SLC7A10: variants seen among roughly 807,000 people sequenced by gnomAD.
SLC7A10 encodes solute carrier family 7 member 10.
SLC7A10 carries 30 observed loss-of-function variants against 52.7 expected under a neutral mutation model. The observed-to-expected ratio is 0.57, with a 90% CI of 0.43 to 0.77. The LOEUF is 0.77. Ranked by LOEUF, SLC7A10 falls within the 30% of genes least tolerant of loss-of-function variation. The probability of loss-of-function intolerance (pLI) is 0.00; values close to 1 mark genes in which losing one functional copy is unlikely to be tolerated. For synonymous variants in SLC7A10, 318 were observed against 314.9 expected (o/e 1.01, Z -0.10); for missense variants, 581 against 698.5 (o/e 0.83, Z 1.90).
intron 1 of SLC7A10, 33 bp downstream of exon 1, chr19:33,225,520 C>T (rs760343862): frequency 3.1e-6 from 5 of 1,593,124 alleles, no homozygotes; most frequent in Non-Finnish European, 4.2e-6. Context: ...ATTCGGCCTC[C>T]GCCCGGCGCC....
Position 33,210,848 on chromosome 19 carries a change from A to C in SLC7A10, c.1067T>G (p.Met356Arg). ...GGGGGTGCAGTGTCTGACGTGGATC[A>C]TGGCCAGCAGGCTGGGCAGGTGCCC... is the stretch of plus-strand genomic sequence containing the variant. Reference protein sequence around the residue: ...REGHLPSLLAMIHVRHCTPIP... With the variant: ...REGHLPSLLARIHVRHCTPIP... The change falls in exon 8 of 11, where the codon ATG becomes AGG. Residue 356 changes from methionine (M) to arginine (R), a missense_variant. Transcript: ENST00000253188. The surrounding 1 kb of genome is among the most constrained non-coding windows in gnomAD (Gnocchi z 5.6). The C allele has an allele frequency of 6.2e-7, 1 of 1,613,546 alleles. No homozygotes were observed. The highest frequency in any genetic ancestry group is 8.5e-7 in the Non-Finnish European group (1 of 1,180,020).
intron 5 of SLC7A10, 168 bp downstream of exon 5, chr19:33,212,123 GA>G: frequency 1.1e-6 from 1 of 931,332 alleles, no homozygotes; most frequent in Non-Finnish European, 1.6e-6. Context: ...GGCCAGGCTA[GA>G]ATGCAAGCCC....
Position 33,209,064 on chromosome 19 carries a change from T to C in SLC7A10, c.1442-43A>G, listed in dbSNP as rs1306448958. The C allele has an allele frequency of 5.0e-6, 8 of 1,611,246 alleles. No individual in the cohort carries two copies. The East Asian group carries it at 6.7e-5, about 13-fold the overall frequency. ...GACCTTGGGGCCTGACCTCTCGGGA[T>C]AGGGGTGACCCCCAGCTCCGGACAC... On this transcript the variant is annotated intron_variant, in intron 10 of 10. Transcript: ENST00000253188.
chr19:33,222,052 C>A (rs1352880949), intron 1 of SLC7A10, among the ~76,000 whole-genome samples: 2 of 152,146 alleles, frequency 1.3e-5, no homozygotes, highest in Admixed American at 1.3e-4. Context: ...CCCCAACCCT[C>A]CCCCGTCAGG....
Position 33,210,633 on chromosome 19 carries a change from G to T in SLC7A10, c.1114-17C>A, listed in dbSNP as rs779877265. 22 of 1,610,466 alleles carry T rather than the reference G, an allele frequency of 1.4e-5. No individual in the cohort carries two copies. In the East Asian group the frequency reaches 4.7e-4, roughly 34 times the overall value. On this transcript the variant is annotated splice_polypyrimidine_tract_variant and intron_variant, in intron 8 of 10. Coordinates refer to ENST00000253188, the MANE Select transcript of SLC7A10 (RefSeq NM_019849.3). The surrounding 1 kb of genome is among the most constrained non-coding windows in gnomAD (Gnocchi z 5.6). ...GGCCCCGCACTGGGAGAGGACCTGG[G>T]GCTGACGGCTGGCCCCTAGCCTGCC...
intron 2 of SLC7A10, among the ~76,000 whole-genome samples, chr19:33,213,556 G>A (rs541657578): frequency 1.3e-3 from 194 of 152,286 alleles, no homozygotes; most frequent in Middle Eastern, 3.4e-3. Flanking sequence ...CCAAAGTGTT[G>A]GGATTACAGG....
At chr19:33,213,517 T>G (rs1220253166) in intron 2 of SLC7A10, among the ~76,000 whole-genome samples, 1 of 152,188 alleles carries the variant, frequency 6.6e-6, no homozygotes, top group Non-Finnish European at 1.5e-5. Flanking sequence ...CTTGATCTCC[T>G]GACCTCGTGA....
rs761317385 is a variant in SLC7A10 at position 33,212,366 on chromosome 19, G to A, written c.714C>T (p.Phe238=). 6 of 1,613,870 alleles carry A rather than the reference G, an allele frequency of 3.7e-6. No homozygotes were observed. The highest frequency in any genetic ancestry group is 4.2e-6 in the Non-Finnish European group (5 of 1,180,026). Residue 238 remains phenylalanine, a synonymous_variant, in exon 5 of 11, where the codon TTC becomes TTT. Coordinates refer to ENST00000253188, the MANE Select transcript of SLC7A10 (RefSeq NM_019849.3). ...TPSVGHLALA[F]LQGSFAFSGW... ...CACTGAAGGCGAAGGAGCCCTGGAG[G>A]AAGGCCAGGGCCAGGTGTCCCACGG...
chr19:33,210,695 C>G lies in SLC7A10; in HGVS notation c.1114-79G>C. The G allele has an allele frequency of 6.2e-7, 1 of 1,608,050 alleles. No homozygotes were observed. ...CTGCAGGATGAGCCCTGGCCCCACC[C>G]CCAACCCCCACCCTGGAATGGCTCA... On this transcript the variant is annotated intron_variant, in intron 8 of 10. Coordinates refer to ENST00000253188, the MANE Select transcript of SLC7A10 (RefSeq NM_019849.3). The surrounding 1 kb of genome is among the most constrained non-coding windows in gnomAD (Gnocchi z 5.6).
At position 33,212,656 on chromosome 19, in the gene SLC7A10, G is replaced by A; in HGVS notation, c.509-17C>T. Reference sequence around the variant, plus strand: ...TCAGGAGCACTGCGGAGGGAAGGCGGGGGTGGGCGCCGAGGCCGGGACCTT... The same window carrying A: ...TCAGGAGCACTGCGGAGGGAAGGCGAGGGTGGGCGCCGAGGCCGGGACCTT... On this transcript the variant is annotated splice_polypyrimidine_tract_variant and intron_variant, in intron 3 of 10. Coordinates refer to ENST00000253188, the MANE Select transcript of SLC7A10 (RefSeq NM_019849.3). The A allele has an allele frequency of 6.2e-7, 1 of 1,613,524 alleles. No individual in the cohort carries two copies. Among genetic ancestry groups the A allele is most frequent in the East Asian group, 2.2e-5 (1 of 44,874 alleles).
chr19:33,210,903 C>A lies in SLC7A10; in HGVS notation c.1017-5G>T. The A allele has an allele frequency of 6.2e-7, 1 of 1,612,978 alleles. No homozygotes were observed. Among genetic ancestry groups the A allele is most frequent in the Non-Finnish European group, 8.5e-7 (1 of 1,179,796 alleles). ...CGGGCTCCAGAGAAGCACAGCCTAG[C>A]GTTGGGGACAGATATGGGCACTGGC... is the stretch of plus-strand genomic sequence containing the variant. On this transcript the variant is annotated splice_region_variant and splice_polypyrimidine_tract_variant and intron_variant, in intron 7 of 10. Coordinates refer to ENST00000253188, the MANE Select transcript of SLC7A10 (RefSeq NM_019849.3). The surrounding 1 kb of genome is among the most constrained non-coding windows in gnomAD (Gnocchi z 5.6).
intron 1 of SLC7A10, among the ~76,000 whole-genome samples, chr19:33,216,277 G>A (rs765002176): frequency 3.9e-5 from 6 of 152,178 alleles, no homozygotes; most frequent in African/African-American, 4.8e-5. Flanking sequence ...CATTGCCCCC[G>A]TGAGGCGGGG....
intron 2 of SLC7A10, among the ~76,000 whole-genome samples, chr19:33,213,904 T>C: frequency 6.6e-6 from 1 of 152,138 alleles, no homozygotes. Flanking sequence ...GGGTCTGCCC[T>C]TGGGGGTGGT....
intron 1 of SLC7A10, among the ~76,000 whole-genome samples, chr19:33,224,755 C>A (rs1223305404): frequency 2.0e-5 from 3 of 152,198 alleles, no homozygotes; most frequent in African/African-American, 7.2e-5. Flanking sequence ...AATACCACTG[C>A]CATTCCCATG....
At chr19:33,211,894 T>C (rs552464308) in intron 5 of SLC7A10, 1 of 471,434 alleles carries the variant, frequency 2.1e-6, no homozygotes. Context: ...CCTGGAACTT[T>C]CCAGTCCCAG....
At chr19:33,214,495 C>T (rs1020788136) in intron 2 of SLC7A10, among the ~76,000 whole-genome samples, 22 of 152,226 alleles carry the variant, frequency 1.4e-4, no homozygotes, top group Admixed American at 9.8e-4. Context: ...CTTGGCACAA[C>T]GCAGCTGGAC....
Position 33,212,410 on chromosome 19 carries a change from C to G in SLC7A10, c.670G>C (p.Ala224Pro), listed in dbSNP as rs1348391543. The part of the protein sequence containing the change: ...FEELRPSNAF[A>P]FWMTPSVGHL... ...CCCACGGAGGGCGTCATCCAGAAAG[C>G]AAAGGCATTGCTGGGCCTCAGCTCC... The change falls in exon 5 of 11, where the codon GCT becomes CCT. Residue 224 changes from alanine (A) to proline (P), a missense_variant. By Grantham distance (27) the Ala-to-Pro change is conservative (BLOSUM62 -1). Coordinates refer to ENST00000253188, the MANE Select transcript of SLC7A10 (RefSeq NM_019849.3). 6.2e-7 allele frequency: 1 copy of G among 1,613,844 alleles called. No homozygotes were observed. Among genetic ancestry groups the G allele is most frequent in the Non-Finnish European group, 8.5e-7 (1 of 1,180,058 alleles).
intron 1 of SLC7A10, among the ~76,000 whole-genome samples, chr19:33,218,284 CAG>C (rs917596779): frequency 6.6e-6 from 1 of 152,156 alleles, no homozygotes; most frequent in African/African-American, 2.4e-5. Flanking sequence ...GCTGAAGACT[CAG>C]ATACTGGGCT....
chr19:33,224,700 C>G (rs894717141), intron 1 of SLC7A10, among the ~76,000 whole-genome samples: 1 of 152,150 alleles, frequency 6.6e-6, no homozygotes, highest in Non-Finnish European at 1.5e-5. Flanking sequence ...TCTGTGTAGA[C>G]AAAGAAACAA....
Sources: gnomAD v4.1 joint callset for allele counts (sites outside exome capture counted in the v4.1 genomes callset) on GRCh38, gnomAD v4.1.1 for gene constraint, Gnocchi (gnomAD v3.1) non-coding constraint, MANE v1.5 for transcripts, NCBI Gene and HGNC (gene_info 2026-07-23, HGNC 2026-07-21) for gene names.